DCPS: variants seen among roughly 807,000 people sequenced by gnomAD.
DCPS encodes the protein m7GpppX diphosphatase.
A neutral mutation model predicts 34.7 loss-of-function variants in DCPS; 27 were observed. The ratio of observed to expected loss-of-function variants is 0.78; its 90% CI spans 0.57 to 1.07. The LOEUF is 1.07. Ranked by LOEUF, DCPS falls within the 50% of genes least tolerant of loss-of-function variation. The pLI, the probability that DCPS is intolerant of heterozygous loss-of-function variation, is 0.00. For missense variants in DCPS, 464 were observed against 436.9 expected, an observed-to-expected ratio of 1.06 and a Z score of -0.55; for synonymous variants, 185 against 185.7, an observed-to-expected ratio of 1.00 and a Z score of 0.03.
intron 2 of DCPS, among the ~76,000 whole-genome samples, chr11:126,310,288 C>A (rs1951609838): frequency 6.6e-6 from 1 of 152,204 alleles, no homozygotes; most frequent in Admixed American, 6.5e-5. Context: ...GAAATAAAGC[C>A]CTCCTTGACA....
Position 126,312,505 on chromosome 11 carries a change from A to AT in DCPS, c.376+5768dup, listed in dbSNP as rs1951625039. Among the ~76,000 whole-genome samples the AT allele has an allele frequency of 1.3e-5, 2 of 150,222 alleles. No homozygotes were observed. Among genetic ancestry groups the AT allele is most frequent in the South Asian group, 2.1e-4 (1 of 4,708 alleles). ...AGGCACCCGCCACCACACCCAGCTA[A>AT]TTTTTTTGTATTTTTAATAGAGATG... On this transcript the variant is annotated intron_variant, in intron 2 of 5. Transcript: ENST00000263579. This position sits in a 1 kb window ranked among gnomAD's most constrained non-coding sequence, Gnocchi z 5.1.
At chr11:126,321,971 T>C (rs1951709813) in intron 2 of DCPS, among the ~76,000 whole-genome samples, 1 of 152,112 alleles carries the variant, frequency 6.6e-6, no homozygotes, top group Non-Finnish European at 1.5e-5. Flanking sequence ...AGTCAGACGC[T>C]GAATCCAAGA....
At chr11:126,308,907 A>G (rs577602745) in intron 2 of DCPS, among the ~76,000 whole-genome samples, 2 of 152,282 alleles carry the variant, frequency 1.3e-5, no homozygotes, top group South Asian at 4.1e-4. Flanking sequence ...TGAAAGAGGC[A>G]GTGGGTTATT....
Position 126,342,989 on chromosome 11 carries a change from G to A in DCPS, c.637-318G>A, listed in dbSNP as rs535981751. On this transcript the variant is annotated intron_variant, in intron 4 of 5. Transcript: ENST00000263579. The surrounding 1 kb of genome is among the most constrained non-coding windows in gnomAD (Gnocchi z 4.4). ...GGAGGCTGAGGCAGAAGAATCGCTT[G>A]AACCCAGGAGGCGGAGGTTGCAGTG... Among the ~76,000 whole-genome samples, 1,021 of 148,214 alleles carry A rather than the reference G, an allele frequency of 6.9e-3. 7 individuals carry two copies. Among genetic ancestry groups the A allele is most frequent in the Non-Finnish European group, 9.3e-3 (626 of 67,486 alleles).
rs1239413413 is a variant in DCPS at position 126,337,561 on chromosome 11, A to G, written c.523-725A>G. 2 of 152,158 alleles carry G rather than the reference A, an allele frequency of 1.3e-5. No individual in the cohort carries two copies. Among genetic ancestry groups the G allele is most frequent in the Admixed American group, 1.3e-4 (2 of 15,260 alleles). The allele number at this position is 152,158 out of a possible 1,614,324, so 9.4% of individuals were successfully genotyped here. On this transcript the variant is annotated intron_variant, in intron 3 of 5. Coordinates refer to ENST00000263579, the MANE Select transcript of DCPS (RefSeq NM_014026.6). The surrounding 1 kb of genome is among the most constrained non-coding windows in gnomAD (Gnocchi z 5.3). ...TGACAGCAGCTGATCCAAGGGTGAC[A>G]CAAGGGCTGGGAGCCCTGGGTAGCC...
In DCPS at chr11:126,313,898, G is replaced by A. The variant is rs1951637494; in HGVS notation, c.376+7154G>A. Among the ~76,000 whole-genome samples the A allele has an allele frequency of 6.6e-6, 1 of 152,196 alleles. No homozygotes were observed. Among genetic ancestry groups the A allele is most frequent in the South Asian group, 2.1e-4 (1 of 4,830 alleles). ...GTATAATGTATTTCCCAGTTGAAAG[G>A]TAAGACAAATTGGCAGGTCCTTAGA... is the stretch of plus-strand genomic sequence containing the variant. On this transcript the variant is annotated intron_variant, in intron 2 of 5. Transcript: ENST00000263579. The surrounding 1 kb of genome is among the most constrained non-coding windows in gnomAD (Gnocchi z 4.9).
rs928127880 is a variant in DCPS, at chr11:126,346,574, C to G, written c.*961C>G. On this transcript the variant is annotated 3_prime_UTR_variant, in exon 6 of 6. Coordinates refer to ENST00000263579, the MANE Select transcript of DCPS (RefSeq NM_014026.6). The surrounding 1 kb of genome is among the most constrained non-coding windows in gnomAD (Gnocchi z 4.1). Reference sequence around the variant, plus strand: ...ACACAAGTAAACACACAGGCTCTCTCCAGCACACAGGACCAAGGCATCATG... The same window carrying G: ...ACACAAGTAAACACACAGGCTCTCTGCAGCACACAGGACCAAGGCATCATG... Among the ~76,000 whole-genome samples the G allele has an allele frequency of 1.3e-5, 2 of 152,212 alleles. No homozygotes were observed. Among genetic ancestry groups the G allele is most frequent in the African/African-American group, 2.4e-5 (1 of 41,454 alleles).
rs1475167151 is a variant in DCPS at position 126,348,048 on chromosome 11, TG to T, written c.*2437del. On this transcript the variant is annotated 3_prime_UTR_variant, in exon 6 of 6. Coordinates refer to ENST00000263579, the MANE Select transcript of DCPS (RefSeq NM_014026.6). This position sits in a 1 kb window ranked among gnomAD's most constrained non-coding sequence, Gnocchi z 5.3. ...TTCCTTCCCCTCATCTCGTAGCGCC[TG>T]GCCCCTGGAGGAAGGTGGGTAGGAA... Among the ~76,000 whole-genome samples the T allele has an allele frequency of 6.6e-6, 1 of 152,008 alleles. No individual in the cohort carries two copies. The highest frequency in any genetic ancestry group is 1.5e-5 in the Non-Finnish European group (1 of 68,004).
At position 126,325,724 on chromosome 11, in the gene DCPS, G is replaced by A. The variant is rs1388120359; in HGVS notation, c.377-5681G>A. On this transcript the variant is annotated intron_variant, in intron 2 of 5. Coordinates refer to ENST00000263579, the MANE Select transcript of DCPS (RefSeq NM_014026.6). The surrounding 1 kb of genome is among the most constrained non-coding windows in gnomAD (Gnocchi z 4.3). The stretch of plus-strand genomic sequence containing the variant: ...CACAGTGTTAAAAAGCATGACAGGG[G>A]AACTCTGTAAGGAGTGTTGGAGGTG... Among the ~76,000 whole-genome samples, 1 of 152,144 alleles carries A rather than the reference G, an allele frequency of 6.6e-6. No individual in the cohort carries two copies. Among genetic ancestry groups the A allele is most frequent in the Non-Finnish European group, 1.5e-5 (1 of 68,036 alleles).
chr11:126,324,156 T>C (rs1951725230), intron 2 of DCPS, among the ~76,000 whole-genome samples: 1 of 152,172 alleles, frequency 6.6e-6, no homozygotes, highest in African/African-American at 2.4e-5. Flanking sequence ...CTACAGTTAT[T>C]GTATTCACAT....
In DCPS at chr11:126,328,584, C is replaced by G. The variant is rs1229708904; in HGVS notation, c.377-2821C>G. 6.6e-6 allele frequency among the ~76,000 whole-genome samples: 1 copy of G among 152,150 alleles called. No individual in the cohort carries two copies. The highest frequency in any genetic ancestry group is 2.4e-5 in the African/African-American group (1 of 41,446). On this transcript the variant is annotated intron_variant, in intron 2 of 5. Coordinates refer to ENST00000263579, the MANE Select transcript of DCPS (RefSeq NM_014026.6). This position sits in a 1 kb window ranked among gnomAD's most constrained non-coding sequence, Gnocchi z 6.6. ...GCTGGGGCAGGTCTCCCACAGGCCT[C>G]GGCAGACCAGGGCATGCTCACAGGC... is the stretch of plus-strand genomic sequence containing the variant.
intron 2 of DCPS, among the ~76,000 whole-genome samples, chr11:126,316,445 A>G (rs1294583305): frequency 6.6e-6 from 1 of 151,642 alleles, no homozygotes; most frequent in African/African-American, 2.4e-5. Flanking sequence ...ACACCCTTGT[A>G]TTACATCATA....
chr11:126,321,555 G>A (rs901240657), intron 2 of DCPS, among the ~76,000 whole-genome samples: 3 of 152,132 alleles, frequency 2.0e-5, no homozygotes, highest in Non-Finnish European at 4.4e-5. Flanking sequence ...CAAAAGAACA[G>A]CCTGACCACC....
Position 126,319,270 on chromosome 11 carries a change from A to G in DCPS, c.377-12135A>G, listed in dbSNP as rs553565697. On this transcript the variant is annotated intron_variant, in intron 2 of 5. Transcript: ENST00000263579. The surrounding 1 kb of genome is among the most constrained non-coding windows in gnomAD (Gnocchi z 4.5). ...CCCCTCTTCTGGGACTTCCCCCTTC[A>G]TGCCTCCCACCCCATAATCTAACAC... Among the ~76,000 whole-genome samples, 2 of 151,526 alleles carry G rather than the reference A, an allele frequency of 1.3e-5. No homozygotes were observed. The highest frequency in any genetic ancestry group is 4.9e-5 in the African/African-American group (2 of 41,210).
In DCPS at chr11:126,338,829, C is replaced by A. The variant is rs1334272641; in HGVS notation, c.636+430C>A. Among the ~76,000 whole-genome samples, 3 of 152,216 alleles carry A rather than the reference C, an allele frequency of 2.0e-5. No individual in the cohort carries two copies. The highest frequency in any genetic ancestry group is 7.2e-5 in the African/African-American group (3 of 41,458). On this transcript the variant is annotated intron_variant, in intron 4 of 5. Transcript: ENST00000263579. This position sits in a 1 kb window ranked among gnomAD's most constrained non-coding sequence, Gnocchi z 5.4. ...GGCAGGCAGGAACCATGGTGACCAACCCAAGGCATCTCCTCCTCAGCCCGA... is the reference window on the plus strand; with the variant it reads ...GGCAGGCAGGAACCATGGTGACCAAACCAAGGCATCTCCTCCTCAGCCCGA...
chr11:126,326,473 A>G (rs570287891), intron 2 of DCPS, among the ~76,000 whole-genome samples: 1 of 152,324 alleles, frequency 6.6e-6, no homozygotes, highest in South Asian at 2.1e-4. Context: ...TGTTGGTCAT[A>G]AGGAGTAAAT....
rs968851847 is a variant in DCPS at position 126,337,287 on chromosome 11, T to C, written c.523-999T>C. The C allele has an allele frequency of 6.6e-6, 1 of 152,276 alleles. No individual in the cohort carries two copies. Among genetic ancestry groups the C allele is most frequent in the Non-Finnish European group, 1.5e-5 (1 of 68,112 alleles). 9.4% of individuals were successfully genotyped at this position (152,276 alleles called of 1,614,324 possible). Reference sequence around the variant, plus strand: ...TCAGCCACTCCCCTCTCTGGTTTCCTAGCAGGTCTCTCCCCCAGATGTAGG... The same window carrying C: ...TCAGCCACTCCCCTCTCTGGTTTCCCAGCAGGTCTCTCCCCCAGATGTAGG... On this transcript the variant is annotated intron_variant, in intron 3 of 5. Transcript: ENST00000263579. The surrounding 1 kb of genome is among the most constrained non-coding windows in gnomAD (Gnocchi z 5.3).
intron 2 of DCPS, among the ~76,000 whole-genome samples, chr11:126,314,448 A>G (rs1401301780): frequency 6.6e-6 from 1 of 151,372 alleles, no homozygotes; most frequent in Non-Finnish European, 1.5e-5. Context: ...TTAAAGAACT[A>G]AAAGTAGATC....
rs759174303 is a variant in DCPS at position 126,338,412 on chromosome 11, G to A, written c.636+13G>A. 1.9e-6 allele frequency: 3 copies of A among 1,612,850 alleles called. No homozygotes were observed. The East Asian group carries it at 6.7e-5, about 36-fold the overall frequency. Reference sequence around the variant, plus strand: ...GAACCAACAGCAGGTAAAGGTTTCTGGCTGGAATGTCCTGATCTCTGGCCA... The same window carrying A: ...GAACCAACAGCAGGTAAAGGTTTCTAGCTGGAATGTCCTGATCTCTGGCCA... On this transcript the variant is annotated intron_variant, in intron 4 of 5. Transcript: ENST00000263579. This position sits in a 1 kb window ranked among gnomAD's most constrained non-coding sequence, Gnocchi z 5.4.
Sources: allele counts gnomAD v4.1 joint callset (sites outside exome capture counted in the v4.1 genomes callset), GRCh38; gene constraint gnomAD v4.1.1; non-coding constraint Gnocchi (gnomAD v3.1); transcripts MANE v1.5; gene names NCBI Gene and HGNC (gene_info 2026-07-23, HGNC 2026-07-21).